The following KHDC1 variants were observed in gnomAD, a reference collection of about 807,000 sequenced individuals.
KHDC1 encodes KH domain containing 1, also known as KH homology domain-containing protein 1.
Under a neutral mutation model 24.7 loss-of-function variants are expected in KHDC1, and 21 were observed. The observed-to-expected ratio is 0.85, with a 90% confidence interval of 0.60 to 1.23. The LOEUF is 1.23. Ranked by LOEUF, KHDC1 falls within the 50% of genes most tolerant of loss-of-function variation. The pLI is 0.00. For synonymous variants in KHDC1, 98 were observed against 111.7 expected (o/e 0.88, Z 0.77); for missense variants, 274 against 298.5 (o/e 0.92, Z 0.61).
intron 1 of KHDC1, among the ~76,000 whole-genome samples, chr6:73,305,307 A>G (rs1266503711): frequency 2.7e-5 from 4 of 148,342 alleles, no homozygotes; most frequent in African/African-American, 9.7e-5. Flanking sequence ...GAAGTCATGG[A>G]ATTCGCCTTT....
At chr6:73,290,942 G>A (rs913037873) in intron 2 of KHDC1, 22 of 352,964 alleles carry the variant, frequency 6.2e-5, no homozygotes, top group African/African-American at 4.2e-4. Context: ...GTGGATGCTG[G>A]CCCAGGAAGC....
chr6:73,273,814 G>A (rs1285298671), intron 2 of KHDC1, among the ~76,000 whole-genome samples: 1 of 151,414 alleles, frequency 6.6e-6, no homozygotes, highest in Non-Finnish European at 1.5e-5. Flanking sequence ...GTAATACTCT[G>A]TCTTAGAAAA....
chr6:73,304,189 G>GA lies in KHDC1; in HGVS notation c.163+5362dup, dbSNP rs1041980130. On this transcript the variant is annotated intron_variant, in intron 1 of 4. Transcript: ENST00000370384. ...GCAAGACTCCATCTCAAAAAAAAAA[G>GA]AAAAAAAATTGTTCTACGGTTAGGT... is the stretch of plus-strand genomic sequence containing the variant. Among the ~76,000 whole-genome samples, 7 of 151,184 alleles carry GA rather than the reference G, an allele frequency of 4.6e-5. No individual in the cohort carries two copies. In the East Asian group the frequency reaches 9.7e-4, roughly 21 times the overall value.
rs370452375 is a variant in KHDC1, at chr6:73,242,267, T to C, written c.332-30A>G. The stretch of plus-strand genomic sequence containing the variant: ...GAGCATAAGAGGTGAGAGGAGGTTC[T>C]GTCAAGCACCAGCCCTTAGGGAATG... On this transcript the variant is annotated intron_variant, in intron 3 of 4. Transcript: ENST00000370384. 35 of 1,607,028 alleles carry C rather than the reference T, an allele frequency of 2.2e-5. No individual in the cohort carries two copies. In the African/African-American group the frequency reaches 4.5e-4, roughly 21 times the overall value.
At chr6:73,257,971 T>C (rs1766910376) in intron 2 of KHDC1, among the ~76,000 whole-genome samples, 1 of 152,034 alleles carries the variant, frequency 6.6e-6, no homozygotes, top group Admixed American at 6.6e-5. Flanking sequence ...AAAAATAAAT[T>C]GTGCCAGGCA....
chr6:73,263,176 G>C (rs1309557298), intron 2 of KHDC1: 1 of 987,660 alleles, frequency 1.0e-6, no homozygotes, highest in African/African-American at 1.7e-5. Context: ...GCGGCCGCGC[G>C]AGGCGCGCTC....
At chr6:73,264,498 G>A (rs1767046762) in intron 2 of KHDC1, among the ~76,000 whole-genome samples, 1 of 152,170 alleles carries the variant, frequency 6.6e-6, no homozygotes, top group Admixed American at 6.5e-5. Flanking sequence ...CCTTGATGAA[G>A]AACGCCTGTA....
chr6:73,245,491 A>G (rs2150551369), intron 2 of KHDC1, among the ~76,000 whole-genome samples: 1 of 152,334 alleles, frequency 6.6e-6, no homozygotes, highest in East Asian at 1.9e-4. Flanking sequence ...GATATGGCAG[A>G]GTACAGGTTC....
At chr6:73,290,226 G>A (rs1216543800) in intron 2 of KHDC1, among the ~76,000 whole-genome samples, 1 of 150,692 alleles carries the variant, frequency 6.6e-6, no homozygotes, top group African/African-American at 2.4e-5. Flanking sequence ...GGAGTGAGCT[G>A]ACATCATGCC....
At chr6:73,249,818 T>A (rs144234624) in intron 2 of KHDC1, among the ~76,000 whole-genome samples, 5 of 152,248 alleles carry the variant, frequency 3.3e-5, no homozygotes, top group African/African-American at 9.6e-5. Context: ...GTCGTGATCA[T>A]AGCTCACTGC....
rs148660715 is a variant in KHDC1, at chr6:73,287,320, T to A, written c.206+4678A>T. ...CAGTCAAGGCCACTTAACCCTCAGA[T>A]GCCAGAAAGACACAATCATCATAAC... On this transcript the variant is annotated intron_variant, in intron 2 of 4. Coordinates refer to ENST00000370384, the Ensembl canonical transcript of KHDC1. Among the ~76,000 whole-genome samples the A allele has an allele frequency of 1.4e-3, 215 of 152,268 alleles. 1 individual carries two copies. Among genetic ancestry groups the A allele is most frequent in the African/African-American group, 4.8e-3 (200 of 41,560 alleles).
intron 2 of KHDC1, among the ~76,000 whole-genome samples, chr6:73,255,450 C>T (rs1457665699): frequency 6.7e-6 from 1 of 148,542 alleles, no homozygotes; most frequent in Non-Finnish European, 1.5e-5. Flanking sequence ...AACTCCTGAC[C>T]TCAGGTGATC....
rs780872192 is a variant in KHDC1, at chr6:73,242,145, C to T, written c.424G>A (p.Val142Met). 29 of 1,614,060 alleles carry T rather than the reference C, an allele frequency of 1.8e-5. No individual in the cohort carries two copies. The highest frequency in any genetic ancestry group is 2.3e-5 in the Non-Finnish European group (27 of 1,180,046). The stretch of plus-strand genomic sequence containing the variant: ...GCCCTGTGTGGTCCGACTACAGTCA[C>T]ACGAGTCTGGCCTGTAGCTGTGAAC... Residue 142 changes from valine to methionine, a missense_variant, in exon 4 of 5, where the codon GTG becomes ATG. Coordinates refer to ENST00000370384, the Ensembl canonical transcript of KHDC1.
At chr6:73,277,145 G>T (rs1464277917) in intron 2 of KHDC1, among the ~76,000 whole-genome samples, 1 of 152,130 alleles carries the variant, frequency 6.6e-6, no homozygotes, top group African/African-American at 2.4e-5. Flanking sequence ...TTGACAAATT[G>T]ATTCCATTCT....
chr6:73,276,955 TGAA>T (rs1209457104), intron 2 of KHDC1, among the ~76,000 whole-genome samples: 1 of 152,132 alleles, frequency 6.6e-6, no homozygotes, highest in South Asian at 2.1e-4. Context: ...AGAAAAAAGG[TGAA>T]GAATTACAAA....
intron 2 of KHDC1, among the ~76,000 whole-genome samples, chr6:73,244,744 G>A (rs1286694806): frequency 1.3e-5 from 2 of 151,870 alleles, no homozygotes; most frequent in East Asian, 3.9e-4. Context: ...ACCAGACCAG[G>A]CAATAAAGGA....
chr6:73,263,124 T>C (rs1004321895), intron 2 of KHDC1: 69 of 996,244 alleles, frequency 6.9e-5, no homozygotes, highest in Non-Finnish European at 8.0e-5. Context: ...CGGTACCTCC[T>C]GGGCCGCGCA....
At chr6:73,287,524 G>T (rs1436486195) in intron 2 of KHDC1, among the ~76,000 whole-genome samples, 1 of 152,140 alleles carries the variant, frequency 6.6e-6, no homozygotes, top group Non-Finnish European at 1.5e-5. Flanking sequence ...CCAGACATAC[G>T]CCAGTTTCCA....
At chr6:73,242,424 G>C (rs762308671) in exon 3 of KHDC1, 2 of 1,614,188 alleles carry the variant, frequency 1.2e-6, no homozygotes, top group Non-Finnish European at 1.7e-6. Context: ...AGCTCCTCCT[G>C]GTCCTCTTCC....
Sources: gnomAD v4.1 joint callset for allele counts (sites outside exome capture counted in the v4.1 genomes callset) on GRCh38, gnomAD v4.1.1 for gene constraint, MANE v1.5 for transcripts, NCBI Gene and HGNC (gene_info 2026-07-23, HGNC 2026-07-21) for gene names.